MGMT: variants seen among roughly 807,000 people sequenced by gnomAD.
MGMT encodes methylated-DNA--protein-cysteine methyltransferase.
A neutral mutation model predicts 15.9 loss-of-function variants in MGMT; 14 were observed. That is an observed-to-expected ratio of 0.88 (90% CI 0.58 to 1.37). MGMT has a LOEUF of 1.37. Among genes scored for constraint, MGMT ranks in the 40% most tolerant of loss-of-function variants. The pLI is 0.00. For synonymous variants in MGMT, 130 were observed against 118.2 expected (o/e 1.10, Z -0.65); for missense variants, 282 against 268.1 (o/e 1.05, Z -0.36).
chr10:129,583,304 C>A (rs1846578969), intron 2 of MGMT, among the ~76,000 whole-genome samples: 1 of 152,130 alleles, frequency 6.6e-6, no homozygotes, highest in Admixed American at 6.5e-5. Context: ...AAAATAAAGA[C>A]CCATTATCAT....
intron 2 of MGMT, among the ~76,000 whole-genome samples, chr10:129,661,871 A>G (rs954816451): frequency 2.0e-5 from 3 of 152,298 alleles, no homozygotes; most frequent in Admixed American, 6.5e-5. Flanking sequence ...ATGATCTGAC[A>G]TAAGGTTTTT....
intron 2 of MGMT, among the ~76,000 whole-genome samples, chr10:129,562,607 T>C (rs1472686937): frequency 6.6e-6 from 1 of 152,106 alleles, no homozygotes; most frequent in Non-Finnish European, 1.5e-5. Flanking sequence ...CCATTACAGA[T>C]GGAATTAGGT....
In MGMT at chr10:129,523,457, C is replaced by T. The variant is rs894655699; in HGVS notation, c.-12-12784C>T. Among the ~76,000 whole-genome samples the T allele has an allele frequency of 3.9e-5, 6 of 152,246 alleles. No individual in the cohort carries two copies. In the South Asian group the frequency reaches 6.2e-4, roughly 16 times the overall value. ...AGGCTCAAGTGTAGTATGATTCAATCGGGCATGAGACTGTGCTGAGGTCTC... is the reference window on the plus strand; with the variant it reads ...AGGCTCAAGTGTAGTATGATTCAATTGGGCATGAGACTGTGCTGAGGTCTC... On this transcript the variant is annotated intron_variant, in intron 1 of 4. Coordinates refer to ENST00000651593, the MANE Select transcript of MGMT (RefSeq NM_002412.5).
chr10:129,516,774 G>A (rs558324240), intron 1 of MGMT, among the ~76,000 whole-genome samples: 5 of 151,948 alleles, frequency 3.3e-5, no homozygotes, highest in Admixed American at 6.6e-5. Context: ...TGGAAGGAGC[G>A]GTATTCTTGG....
rs192350900 is a variant in MGMT, at chr10:129,523,093, C to T, written c.-12-13148C>T. 2.0e-3 allele frequency among the ~76,000 whole-genome samples: 304 copies of T among 152,378 alleles called. 2 individuals are homozygous for T. The highest frequency in any genetic ancestry group is 7.8e-4 in the Non-Finnish European group (53 of 68,034). On this transcript the variant is annotated intron_variant, in intron 1 of 4. Transcript: ENST00000651593. ...ACCAGCCTGCCACCTCTTTACTCCT[C>T]ATGACAGACTGTCACTGTGCAGCGC... is the stretch of plus-strand genomic sequence containing the variant.
chr10:129,530,540 T>G (rs4751096), intron 1 of MGMT, among the ~76,000 whole-genome samples: 151,721 of 152,238 alleles, frequency 1, 75,605 homozygotes, highest in Middle Eastern at 1. Context: ...CCCGTTATTT[T>G]GTCTCCCTTT....
At chr10:129,512,896 T>A (rs1845699617) in intron 1 of MGMT, among the ~76,000 whole-genome samples, 1 of 145,090 alleles carries the variant, frequency 6.9e-6, no homozygotes, top group South Asian at 2.2e-4. Flanking sequence ...ATTCTACCCC[T>A]AAGGACATAC....
chr10:129,611,415 C>G (rs1318820866), intron 2 of MGMT, among the ~76,000 whole-genome samples: 2 of 152,198 alleles, frequency 1.3e-5, no homozygotes, highest in African/African-American at 2.4e-5. Flanking sequence ...AACTCACTCA[C>G]TATCATGAGA....
At position 129,575,391 on chromosome 10, in the gene MGMT, C is replaced by T. The variant is rs1276637845; in HGVS notation, c.125+39014C>T. Among the ~76,000 whole-genome samples the T allele has an allele frequency of 2.6e-5, 4 of 151,508 alleles. No homozygotes were observed. In the East Asian group the frequency reaches 5.8e-4, roughly 22 times the overall value. ...CAGGATTAAGAATCTCACTCAAAACCGCTCAACTACATGGAAACTGAACAA... is the reference window on the plus strand; with the variant it reads ...CAGGATTAAGAATCTCACTCAAAACTGCTCAACTACATGGAAACTGAACAA... On this transcript the variant is annotated intron_variant, in intron 2 of 4. Coordinates refer to ENST00000651593, the MANE Select transcript of MGMT (RefSeq NM_002412.5).
At chr10:129,536,130 A>C in intron 1 of MGMT, 111 bp from the exon 2 acceptor site, 76 of 1,217,320 alleles carry the variant, frequency 6.2e-5, no homozygotes, top group Non-Finnish European at 8.0e-5. Context: ...AAAATGAGGA[A>C]GAGCTTTGGA....
chr10:129,598,329 T>G (rs1012007637), intron 2 of MGMT, among the ~76,000 whole-genome samples: 11 of 152,192 alleles, frequency 7.2e-5, no homozygotes, highest in African/African-American at 2.7e-4. Context: ...AAGTCTCTTG[T>G]TCTTTCTGGC....
chr10:129,560,703 G>A (rs1846266463), intron 2 of MGMT, among the ~76,000 whole-genome samples: 1 of 152,136 alleles, frequency 6.6e-6, no homozygotes, highest in Admixed American at 6.5e-5. Flanking sequence ...AAATTATTAA[G>A]CAGTTAACCA....
chr10:129,627,693 A>G (rs1847166375), intron 2 of MGMT, among the ~76,000 whole-genome samples: 1 of 152,192 alleles, frequency 6.6e-6, no homozygotes, highest in African/African-American at 2.4e-5. Flanking sequence ...ACCATGCTTC[A>G]TATTTGGCTC....
chr10:129,588,747 A>C (rs1285206870), intron 2 of MGMT, among the ~76,000 whole-genome samples: 1 of 152,272 alleles, frequency 6.6e-6, no homozygotes, highest in Non-Finnish European at 1.5e-5. Flanking sequence ...CTGACATCAC[A>C]GGGTGCCTGC....
At chr10:129,526,428 C>T (rs1845871366) in intron 1 of MGMT, among the ~76,000 whole-genome samples, 1 of 152,080 alleles carries the variant, frequency 6.6e-6, no homozygotes, top group South Asian at 2.1e-4. Flanking sequence ...AGCCAATCTC[C>T]CCCTTCACAC....
At chr10:129,681,943 C>T (rs1169929643) in intron 2 of MGMT, among the ~76,000 whole-genome samples, 1 of 152,166 alleles carries the variant, frequency 6.6e-6, no homozygotes, top group African/African-American at 2.4e-5. Context: ...TGAACAGAGA[C>T]TTCATCCAAG....
chr10:129,497,554 T>C (rs1845534824), intron 1 of MGMT, among the ~76,000 whole-genome samples: 1 of 152,244 alleles, frequency 6.6e-6, no homozygotes, highest in Non-Finnish European at 1.5e-5. Flanking sequence ...AGCCACCATC[T>C]GGTTTCTGCC....
intron 2 of MGMT, among the ~76,000 whole-genome samples, chr10:129,587,469 T>C (rs982175515): frequency 1.1e-4 from 17 of 150,266 alleles, no homozygotes; most frequent in African/African-American, 2.9e-4. Context: ...TAAAAATTTG[T>C]GTCATTTTTA....
At chr10:129,567,070 T>G in intron 2 of MGMT, among the ~76,000 whole-genome samples, 1 of 152,182 alleles carries the variant, frequency 6.6e-6, no homozygotes, top group Non-Finnish European at 1.5e-5. Flanking sequence ...TGTTTCCATT[T>G]TAGAGACCCG....
Sources: gnomAD v4.1 joint callset for allele counts (sites outside exome capture counted in the v4.1 genomes callset) on GRCh38, gnomAD v4.1.1 for gene constraint, MANE v1.5 for transcripts, NCBI Gene and HGNC (gene_info 2026-07-23, HGNC 2026-07-21) for gene names.